The following PCDHA9 variants were observed in gnomAD, a reference collection of about 807,000 sequenced individuals.
PCDHA9 encodes protocadherin alpha-9.
PCDHA9 carries 62 observed loss-of-function variants against 62.0 expected under a neutral mutation model. The observed-to-expected ratio is 1.00, with a 90% CI of 0.81 to 1.23. PCDHA9 has a LOEUF of 1.23. Ranked by LOEUF, PCDHA9 falls within the 50% of genes most tolerant of loss-of-function variation. The pLI is 0.00. For missense variants in PCDHA9, 1,205 were observed against 1,249.8 expected (o/e 0.96, Z 0.54); for synonymous variants, 557 against 567.6 (o/e 0.98, Z 0.27).
chr5:140,891,427 C>T (rs1465861457), intron 1 of PCDHA9, among the ~76,000 whole-genome samples: 2 of 149,500 alleles, frequency 1.3e-5, no homozygotes, highest in African/African-American at 4.9e-5. Flanking sequence ...CCCCCAAGTC[C>T]CCAACGTCCA....
At chr5:140,946,277 AT>A (rs1554217463) in intron 1 of PCDHA9, among the ~76,000 whole-genome samples, 1 of 152,068 alleles carries the variant, frequency 6.6e-6, no homozygotes, top group Non-Finnish European at 1.5e-5. Flanking sequence ...TAAAACCCCA[AT>A]GAGATATCAC....
Position 140,858,257 on chromosome 5 carries a change from C to CTG in PCDHA9, c.2394+7369_2394+7370dup, listed in dbSNP as rs1554151340. 2 of 1,596,552 alleles carry CTG rather than the reference C, an allele frequency of 1.3e-6. 1 individual carries two copies. Among genetic ancestry groups the CTG allele is most frequent in the African/African-American group, 2.7e-5 (2 of 74,280 alleles). ...CGCATGTGGGCCGGTGAAGCCCACGCTGGTGTGCTCTAGCGCGGTGGGGAG... is the reference window on the plus strand; with the variant it reads ...CGCATGTGGGCCGGTGAAGCCCACGCTGTGGTGTGCTCTAGCGCGGTGGGGAG... On this transcript the variant is annotated intron_variant, in intron 1 of 3. Coordinates refer to ENST00000532602, the MANE Select transcript of PCDHA9 (RefSeq NM_031857.2).
rs577838197 is a variant in PCDHA9, at chr5:140,982,551, A to G, written c.2530A>G (p.Ser844Gly). 28 of 1,614,198 alleles carry G rather than the reference A, an allele frequency of 1.7e-5. No individual in the cohort carries two copies. Among genetic ancestry groups the G allele is most frequent in the South Asian group, 1.2e-4 (11 of 91,088 alleles). The change falls in exon 3 of 4, where the codon AGT (serine) becomes GGT (glycine). Residue 844 changes from serine (S) to glycine (G), a missense_variant. Coordinates refer to ENST00000532602, the MANE Select transcript of PCDHA9 (RefSeq NM_031857.2). ...GPDQQWPTVS[S>G]ATPEPEAGEV... is the part of the protein sequence containing the mutation. ...TGATCAGCAGTGGCCAACAGTATCC[A>G]GTGCAACACCAGGTAAAGAGCTGGG... is the stretch of plus-strand genomic sequence containing the variant.
intron 1 of PCDHA9, chr5:140,928,279 TCTCTAGGC>T: frequency 6.2e-7 from 1 of 1,614,144 alleles, no homozygotes; most frequent in Non-Finnish European, 8.5e-7. Flanking sequence ...CCCTGGGGCC[TCTCTAGGC>T]CGAGTGTTTG....
At chr5:140,993,509 C>T (rs930990761) in intron 3 of PCDHA9, among the ~76,000 whole-genome samples, 23 of 143,490 alleles carry the variant, frequency 1.6e-4, no homozygotes, top group Admixed American at 3.5e-4. Context: ...CACACACACA[C>T]GGGGAGAGAG....
At chr5:140,933,338 G>T (rs2089065952) in intron 1 of PCDHA9, among the ~76,000 whole-genome samples, 1 of 151,926 alleles carries the variant, frequency 6.6e-6, no homozygotes, top group South Asian at 2.1e-4. Context: ...TGTAGAGAAA[G>T]ATAAACACTT....
intron 3 of PCDHA9, among the ~76,000 whole-genome samples, chr5:140,999,483 T>G (rs1316785085): frequency 3.3e-5 from 5 of 152,152 alleles, no homozygotes; most frequent in Admixed American, 2.6e-4. Flanking sequence ...CCAACTCAAG[T>G]CTATGTTACC....
At chr5:140,858,363 C>G in intron 1 of PCDHA9, 1 of 1,591,358 alleles carries the variant, frequency 6.3e-7, no homozygotes, top group Non-Finnish European at 8.6e-7. Flanking sequence ...GCCTTCAGCC[C>G]CAGCCTTCCA....
At chr5:140,888,749 AC>A (rs1218374821) in intron 1 of PCDHA9, among the ~76,000 whole-genome samples, 1 of 151,232 alleles carries the variant, frequency 6.6e-6, no homozygotes, top group African/African-American at 2.4e-5. Context: ...GAATTATTCT[AC>A]CCACTTTTTT....
intron 1 of PCDHA9, chr5:140,929,247 T>G (rs2085977234): frequency 1.9e-6 from 3 of 1,613,780 alleles, no homozygotes. Flanking sequence ...ATCTTGCCAC[T>G]GGGGTAGGAC....
chr5:141,000,416 TATA>T lies in PCDHA9; in HGVS notation c.2543-9210_2543-9208del, dbSNP rs1254571264. Among the ~76,000 whole-genome samples the T allele has an allele frequency of 5.1e-3, 472 of 93,246 alleles. 2 individuals carry two copies. Among genetic ancestry groups the T allele is most frequent in the Non-Finnish European group, 6.8e-3 (330 of 48,634 alleles). 61.2% of individuals were successfully genotyped at this position (93,246 alleles called of 152,430 possible). On this transcript the variant is annotated intron_variant, in intron 3 of 3. Transcript: ENST00000532602. ...CTCTCTATATATATATATATATATA[TATA>T]TATTTTTTTTTTTTTTTTTTTTTTT...
At chr5:140,997,142 G>A (rs1038632915) in intron 3 of PCDHA9, among the ~76,000 whole-genome samples, 40 of 151,426 alleles carry the variant, frequency 2.6e-4, no homozygotes, top group African/African-American at 2.7e-4. Flanking sequence ...CCACACCCCC[G>A]CCACAGTGAC....
At chr5:140,982,589 T>C in intron 3 of PCDHA9, 26 bp downstream of exon 3, 1 of 1,610,940 alleles carries the variant, frequency 6.2e-7, no homozygotes, top group Non-Finnish European at 8.5e-7. Context: ...CTCTCCATTC[T>C]TTCTTGGTTT....
chr5:140,918,311 G>A (rs1286596595), intron 1 of PCDHA9, among the ~76,000 whole-genome samples: 2 of 152,070 alleles, frequency 1.3e-5, no homozygotes, highest in African/African-American at 4.8e-5. Context: ...GGGTTTTCTA[G>A]GTATAAAATT....
chr5:140,977,340 G>T (rs2096757114), intron 1 of PCDHA9, among the ~76,000 whole-genome samples: 1 of 152,198 alleles, frequency 6.6e-6, no homozygotes, highest in African/African-American at 2.4e-5. Context: ...GAGAGACGGT[G>T]ATGATGACTG....
chr5:140,869,199 C>T, intron 1 of PCDHA9: 1 of 1,614,024 alleles, frequency 6.2e-7, no homozygotes, highest in Non-Finnish European at 8.5e-7. Context: ...GCCAGCTCCA[C>T]TACTCCGTCT....
intron 1 of PCDHA9, among the ~76,000 whole-genome samples, chr5:140,872,108 A>G (rs980071264): frequency 1.3e-5 from 2 of 152,072 alleles, no homozygotes; most frequent in African/African-American, 4.8e-5. Context: ...TGGCTTTCCT[A>G]ACTTCAGGCT....
intron 1 of PCDHA9, chr5:140,865,436 C>T (rs544302848): frequency 5.3e-5 from 8 of 152,322 alleles, no homozygotes; most frequent in Admixed American, 5.2e-4. Context: ...AGAAAAATAA[C>T]TTCTGAGAAG....
chr5:140,868,930 G>T, intron 1 of PCDHA9: 8 of 1,085,624 alleles, frequency 7.4e-6, no homozygotes, highest in Non-Finnish European at 1.0e-5. Context: ...TTCATTTAAA[G>T]GTTGGTCTGA....
Sources: allele counts gnomAD v4.1 joint callset (sites outside exome capture counted in the v4.1 genomes callset), GRCh38; gene constraint gnomAD v4.1.1; transcripts MANE v1.5; gene names NCBI Gene and HGNC (gene_info 2026-07-23, HGNC 2026-07-21).